The following PPP3CA variants were observed in gnomAD, a reference collection of about 807,000 sequenced individuals.
PPP3CA encodes the protein protein phosphatase 3 catalytic subunit alpha.
Under a neutral mutation model 66.5 loss-of-function variants are expected in PPP3CA, and 14 were observed. That is an observed-to-expected ratio of 0.21 (90% CI 0.14 to 0.33). The LOEUF (loss-of-function observed/expected upper bound fraction) is 0.33. Ranked by LOEUF, PPP3CA falls within the 10% of genes least tolerant of loss-of-function variation. The pLI is 1.00. For missense variants in PPP3CA, 317 were observed against 639.5 expected (o/e 0.50, Z 5.44); for synonymous variants, 232 against 226.2 (o/e 1.03, Z -0.23).
At chr4:101,072,202 G>A (rs1261051539) in intron 8 of PPP3CA, among the ~76,000 whole-genome samples, 1 of 152,154 alleles carries the variant, frequency 6.6e-6, no homozygotes, top group Non-Finnish European at 1.5e-5. Flanking sequence ...CATGTATTTG[G>A]ATGCATAACA....
chr4:101,345,289 A>T (rs1029130274), intron 1 of PPP3CA, among the ~76,000 whole-genome samples: 3 of 152,232 alleles, frequency 2.0e-5, no homozygotes, highest in African/African-American at 7.2e-5. Flanking sequence ...AAATTACTTT[A>T]AAAACTGAGT....
chr4:101,219,032 T>C (rs1725540295), intron 1 of PPP3CA, among the ~76,000 whole-genome samples: 1 of 152,068 alleles, frequency 6.6e-6, no homozygotes, highest in African/African-American at 2.4e-5. Flanking sequence ...AAGTGCCTAT[T>C]ATGTGTCAAG....
chr4:101,138,692 T>A (rs1382108497), intron 2 of PPP3CA, among the ~76,000 whole-genome samples: 1 of 152,196 alleles, frequency 6.6e-6, no homozygotes, highest in Non-Finnish European at 1.5e-5. Flanking sequence ...CTCCCCTGTA[T>A]AACAAAAGCA....
At chr4:101,225,890 C>T (rs1046528810) in intron 1 of PPP3CA, among the ~76,000 whole-genome samples, 5 of 151,696 alleles carry the variant, frequency 3.3e-5, no homozygotes, top group African/African-American at 1.2e-4. Flanking sequence ...TTATCAGTTT[C>T]TCAATAAAGA....
At chr4:101,186,912 G>A (rs1339403594) in intron 2 of PPP3CA, among the ~76,000 whole-genome samples, 1 of 152,116 alleles carries the variant, frequency 6.6e-6, no homozygotes, top group Non-Finnish European at 1.5e-5. Flanking sequence ...AATAGTAACA[G>A]ATACAGCAAT....
At chr4:101,220,415 T>C (rs1725589812) in intron 1 of PPP3CA, among the ~76,000 whole-genome samples, 2 of 151,656 alleles carry the variant, frequency 1.3e-5, no homozygotes, top group East Asian at 1.9e-4. Context: ...TTTGAATCTA[T>C]CTCTTTATAA....
intron 2 of PPP3CA, among the ~76,000 whole-genome samples, chr4:101,184,943 G>A (rs1184208020): frequency 2.0e-5 from 3 of 152,130 alleles, no homozygotes. Context: ...AGCTGCGGCA[G>A]TCCCACAGAA....
At chr4:101,157,942 T>C (rs1723379461) in intron 2 of PPP3CA, among the ~76,000 whole-genome samples, 1 of 151,196 alleles carries the variant, frequency 6.6e-6, no homozygotes. Context: ...AATTCATGTC[T>C]AAAAGCTACA....
chr4:101,090,566 C>T (rs1005202394), intron 6 of PPP3CA, among the ~76,000 whole-genome samples: 19 of 145,510 alleles, frequency 1.3e-4, no homozygotes, highest in African/African-American at 4.3e-4. Flanking sequence ...CGCTTGAACC[C>T]GGGAGGTGGA....
At chr4:101,193,009 T>C (rs566558141) in intron 2 of PPP3CA, among the ~76,000 whole-genome samples, 12 of 152,332 alleles carry the variant, frequency 7.9e-5, no homozygotes, top group African/African-American at 2.4e-4. Flanking sequence ...ATTTAGAAGA[T>C]AGGAACACAT....
At chr4:101,108,030 TA>T (rs1721494101) in intron 3 of PPP3CA, 1 of 152,216 alleles carries the variant, frequency 6.6e-6, no homozygotes, top group African/African-American at 2.4e-5. Context: ...AAGATATGAA[TA>T]AAACAAGGTC....
At chr4:101,249,258 C>T (rs548814275) in intron 1 of PPP3CA, among the ~76,000 whole-genome samples, 1 of 152,072 alleles carries the variant, frequency 6.6e-6, no homozygotes, top group South Asian at 2.1e-4. Context: ...TGATTCCAGG[C>T]CCCCTTTTAC....
intron 10 of PPP3CA, among the ~76,000 whole-genome samples, chr4:101,045,787 G>T (rs941169909): frequency 9.2e-5 from 14 of 152,110 alleles, no homozygotes; most frequent in African/African-American, 3.4e-4. Context: ...AACTTACTTT[G>T]CCAGATACCA....
chr4:101,038,517 G>A (rs1367183366), intron 11 of PPP3CA, among the ~76,000 whole-genome samples: 1 of 151,818 alleles, frequency 6.6e-6, no homozygotes, highest in Non-Finnish European at 1.5e-5. Flanking sequence ...TTACAGGCAC[G>A]TGTCACCATG....
At chr4:101,108,555 C>T (rs1239552540) in intron 3 of PPP3CA, among the ~76,000 whole-genome samples, 1 of 152,154 alleles carries the variant, frequency 6.6e-6, no homozygotes, top group Non-Finnish European at 1.5e-5. Flanking sequence ...CATCTGAGGT[C>T]AGGAGTTTGA....
chr4:101,153,192 T>C (rs372569407), intron 2 of PPP3CA, among the ~76,000 whole-genome samples: 50 of 152,250 alleles, frequency 3.3e-4, no homozygotes, highest in African/African-American at 1.1e-3. Flanking sequence ...GGGTTTTGTG[T>C]AGGGACAGTG....
chr4:101,237,045 T>C (rs1193229557), intron 1 of PPP3CA, among the ~76,000 whole-genome samples: 1 of 150,188 alleles, frequency 6.7e-6, no homozygotes, highest in Non-Finnish European at 1.5e-5. Context: ...AAATAATTCA[T>C]ATAAAGCACT....
At chr4:101,142,947 A>G (rs1033599262) in intron 2 of PPP3CA, among the ~76,000 whole-genome samples, 2 of 152,150 alleles carry the variant, frequency 1.3e-5, no homozygotes, top group African/African-American at 4.8e-5. Flanking sequence ...CTCTTTGGCT[A>G]TATACCTTAA....
At chr4:101,119,804 C>T (rs1288821987) in intron 2 of PPP3CA, among the ~76,000 whole-genome samples, 1 of 152,034 alleles carries the variant, frequency 6.6e-6, no homozygotes, top group African/African-American at 2.4e-5. Context: ...AAGTATTCAG[C>T]TCCATCTAAT....
Sources: allele counts gnomAD v4.1 joint callset (sites outside exome capture counted in the v4.1 genomes callset), GRCh38; gene constraint gnomAD v4.1.1; transcripts MANE v1.5; gene names NCBI Gene and HGNC (gene_info 2026-07-23, HGNC 2026-07-21).